The following NFIA variants were observed in gnomAD, a reference collection of about 807,000 sequenced individuals.
The protein encoded by NFIA is nuclear factor I A.
NFIA carries 8 observed loss-of-function variants against 62.8 expected under a neutral mutation model. That is an observed-to-expected ratio of 0.13 (90% confidence interval 0.07 to 0.23). The LOEUF is 0.23. NFIA is among the 10% of genes least tolerant of loss of function. The probability of loss-of-function intolerance (pLI) is 1.00; values close to 1 mark genes in which losing one functional copy is unlikely to be tolerated. For synonymous variants in NFIA, 235 were observed against 238.1 expected (o/e 0.99, Z 0.12); for missense variants, 410 against 642.1 (o/e 0.64, Z 3.91).
intron 2 of NFIA, among the ~76,000 whole-genome samples, chr1:61,176,758 A>G (rs1302143401): frequency 6.6e-6 from 1 of 152,138 alleles, no homozygotes; most frequent in African/African-American, 2.4e-5. Flanking sequence ...ACATTCTTTA[A>G]TATGAGCAGA....
chr1:61,129,225 T>C (rs902476716), intron 2 of NFIA, among the ~76,000 whole-genome samples: 22 of 151,458 alleles, frequency 1.5e-4, no homozygotes, highest in Admixed American at 7.2e-4. Flanking sequence ...CCCGGCCTAC[T>C]TATGTGTTTT....
At chr1:61,286,764 G>A (rs1205406327) in intron 3 of NFIA, among the ~76,000 whole-genome samples, 1 of 152,142 alleles carries the variant, frequency 6.6e-6, no homozygotes, top group Non-Finnish European at 1.5e-5. Context: ...GGCAATATAA[G>A]GGATTAAAGA....
chr1:61,285,104 C>T (rs545219563), intron 3 of NFIA, among the ~76,000 whole-genome samples: 18 of 152,198 alleles, frequency 1.2e-4, no homozygotes, highest in Admixed American at 2.6e-4. Flanking sequence ...AATCACAGTG[C>T]GGTAGAAGGT....
At chr1:61,301,911 G>A (rs1659515350) in intron 3 of NFIA, among the ~76,000 whole-genome samples, 1 of 152,202 alleles carries the variant, frequency 6.6e-6, no homozygotes, top group South Asian at 2.1e-4. Flanking sequence ...TTCCTAAGGT[G>A]GTTGTTGGCA....
In NFIA at chr1:61,150,992, C is replaced by T. The variant is rs866619013; in HGVS notation, c.559+62312C>T. Among the ~76,000 whole-genome samples the T allele has an allele frequency of 1.3e-5, 2 of 152,236 alleles. 1 individual carries two copies. Among genetic ancestry groups the T allele is most frequent in the Middle Eastern group, 6.8e-3 (2 of 294 alleles). ...GGGATTTGTGTAGTATGCCATGGGACTGAAGATGCAGTGCAAGACCAGTTG... is the reference window on the plus strand; with the variant it reads ...GGGATTTGTGTAGTATGCCATGGGATTGAAGATGCAGTGCAAGACCAGTTG... On this transcript the variant is annotated intron_variant, in intron 2 of 10. Coordinates refer to ENST00000403491, the MANE Select transcript of NFIA (RefSeq NM_001134673.4).
At chr1:61,383,446 A>G (rs1569701136) in intron 7 of NFIA, 81 bp downstream of exon 7, 1 of 1,566,964 alleles carries the variant, frequency 6.4e-7, no homozygotes, top group East Asian at 2.3e-5. Flanking sequence ...AACAATGAGG[A>G]CTCCCCCTGA....
At chr1:61,195,415 A>G (rs1651925073) in intron 2 of NFIA, among the ~76,000 whole-genome samples, 1 of 152,096 alleles carries the variant, frequency 6.6e-6, no homozygotes, top group South Asian at 2.1e-4. Flanking sequence ...ATTTTGTTCA[A>G]TCGTTTGTAT....
intron 2 of NFIA, among the ~76,000 whole-genome samples, chr1:61,212,614 CA>C (rs1653337685): frequency 6.6e-6 from 1 of 152,156 alleles, no homozygotes; most frequent in South Asian, 2.1e-4. Context: ...TTTTTACTAA[CA>C]ATTTCATTTT....
chr1:61,355,480 A>T (rs2100436260), intron 5 of NFIA, among the ~76,000 whole-genome samples: 1 of 152,316 alleles, frequency 6.6e-6, no homozygotes, highest in South Asian at 2.1e-4. Flanking sequence ...AGCTGTCAAA[A>T]GTTTGTGAAG....
intron 2 of NFIA, among the ~76,000 whole-genome samples, chr1:61,235,812 CAAAAAA>C (rs199585835): frequency 3.8e-5 from 4 of 106,382 alleles, no homozygotes; most frequent in African/African-American, 1.1e-4. Context: ...GATCCTGTCT[CAAAAAA>C]AAAAAAAAGA....
intron 3 of NFIA, among the ~76,000 whole-genome samples, chr1:61,326,648 G>A (rs1483350895): frequency 1.3e-5 from 2 of 152,158 alleles, no homozygotes; most frequent in African/African-American, 2.4e-5. Flanking sequence ...TTACAATCAC[G>A]TACGGCAGGT....
chr1:61,428,659 G>A (rs1003944931), intron 10 of NFIA, among the ~76,000 whole-genome samples: 4 of 151,940 alleles, frequency 2.6e-5, no homozygotes, highest in Non-Finnish European at 5.9e-5. Flanking sequence ...TAAAGTGTTA[G>A]ATATACGTAG....
At chr1:61,439,526 A>T (rs564911433) in intron 10 of NFIA, 1 of 152,156 alleles carries the variant, frequency 6.6e-6, no homozygotes, top group African/African-American at 2.4e-5. Context: ...CAGGTTTGGT[A>T]TTCCTCTCCC....
intron 2 of NFIA, among the ~76,000 whole-genome samples, chr1:61,177,455 T>A (rs984487827): frequency 1.3e-5 from 2 of 152,198 alleles, no homozygotes; most frequent in Non-Finnish European, 2.9e-5. Flanking sequence ...TGTCTAACAC[T>A]TTCCCATTTA....
At chr1:61,347,336 G>A (rs541346772) in intron 4 of NFIA, among the ~76,000 whole-genome samples, 8 of 151,950 alleles carry the variant, frequency 5.3e-5, no homozygotes, top group African/African-American at 1.9e-4. Flanking sequence ...ACCACGCCCG[G>A]CTAATTTTCT....
intron 7 of NFIA, among the ~76,000 whole-genome samples, chr1:61,389,561 G>GT (rs147645142): frequency 0.028 from 4,225 of 152,254 alleles, 195 homozygotes; most frequent in African/African-American, 0.097. Flanking sequence ...CAGAAATCAA[G>GT]TCTCTAGTTC....
chr1:61,284,908 G>T (rs1245358766), intron 3 of NFIA, among the ~76,000 whole-genome samples: 2 of 146,968 alleles, frequency 1.4e-5, no homozygotes, highest in Non-Finnish European at 3.1e-5. Flanking sequence ...GAGAGACCCA[G>T]AAGTGCCTAT....
chr1:61,083,567 G>A (rs1479154780), intron 1 of NFIA, among the ~76,000 whole-genome samples: 1 of 151,786 alleles, frequency 6.6e-6, no homozygotes, highest in Non-Finnish European at 1.5e-5. Flanking sequence ...CGGCCGGGTG[G>A]AGCCTGCGTC....
At chr1:61,126,994 T>A (rs1047130445) in intron 2 of NFIA, among the ~76,000 whole-genome samples, 1 of 151,624 alleles carries the variant, frequency 6.6e-6, no homozygotes, top group Non-Finnish European at 1.5e-5. Context: ...GGTTTCGCCA[T>A]GATGGCCAGG....
Sources: allele counts gnomAD v4.1 joint callset (sites outside exome capture counted in the v4.1 genomes callset), GRCh38; gene constraint gnomAD v4.1.1; transcripts MANE v1.5; gene names NCBI Gene and HGNC (gene_info 2026-07-23, HGNC 2026-07-21).